CCDC158: variants seen among roughly 807,000 people sequenced by gnomAD.
The protein encoded by CCDC158 is coiled-coil domain-containing protein 158.
Under a neutral mutation model 138.6 loss-of-function variants are expected in CCDC158, and 116 were observed. The ratio of observed to expected loss-of-function variants is 0.84; its 90% CI spans 0.72 to 0.98. The LOEUF is 0.98. Ranked by LOEUF, CCDC158 falls within the 50% of genes least tolerant of loss-of-function variation. The pLI, the probability that CCDC158 is intolerant of heterozygous loss-of-function variation, is 0.00. For missense variants in CCDC158, 1,265 were observed against 1,306.1 expected (o/e 0.97, Z 0.48); for synonymous variants, 436 against 442.4 (o/e 0.99, Z 0.18).
At chr4:76,322,116 C>T (rs1720077220) in intron 24 of CCDC158, among the ~76,000 whole-genome samples, 1 of 151,864 alleles carries the variant, frequency 6.6e-6, no homozygotes, top group South Asian at 2.1e-4. Flanking sequence ...TAACTAAACA[C>T]CACATGTTCC....
chr4:76,314,784 G>A (rs1435478690), intron 24 of CCDC158, among the ~76,000 whole-genome samples: 1 of 152,192 alleles, frequency 6.6e-6, no homozygotes, highest in Non-Finnish European at 1.5e-5. Context: ...GGGCCCTCGG[G>A]AAAGGTGGCT....
In CCDC158 at chr4:76,413,470, G is replaced by A. The variant is rs535481091; in HGVS notation, c.-116-1338C>T. On this transcript the variant is annotated intron_variant, in intron 1 of 24. Transcript: ENST00000682701. ...AGCTTGGGCAACAGAGTGAGACCTTGTCTCAAAAAAAAAAAAAAAAAGGAA... is the reference window on the plus strand; with the variant it reads ...AGCTTGGGCAACAGAGTGAGACCTTATCTCAAAAAAAAAAAAAAAAAGGAA... 2.7e-3 allele frequency among the ~76,000 whole-genome samples: 347 copies of A among 127,024 alleles called. 2 individuals are homozygous for A. Among genetic ancestry groups the A allele is most frequent in the African/African-American group, 9.6e-3 (310 of 32,330 alleles). The allele number at this position is 127,024 out of a possible 152,430, so 83.3% of individuals were successfully genotyped here.
At chr4:76,380,053 T>C (rs1015472085) in intron 8 of CCDC158, among the ~76,000 whole-genome samples, 4 of 152,206 alleles carry the variant, frequency 2.6e-5, no homozygotes, top group Non-Finnish European at 5.9e-5. Flanking sequence ...GAACTGTGAG[T>C]CAACTAAACT....
At chr4:76,350,347 T>A (rs982929835) in intron 18 of CCDC158, among the ~76,000 whole-genome samples, 3 of 152,204 alleles carry the variant, frequency 2.0e-5, no homozygotes, top group Non-Finnish European at 4.4e-5. Flanking sequence ...TTACTGGTGA[T>A]CCTGTTGCCA....
At chr4:76,356,051 A>G (rs1723530940) in intron 14 of CCDC158, among the ~76,000 whole-genome samples, 1 of 151,982 alleles carries the variant, frequency 6.6e-6, no homozygotes, top group South Asian at 2.1e-4. Context: ...AGCATATCTG[A>G]TTTTTTCTCT....
chr4:76,418,934 A>T (rs969323752), intron 1 of CCDC158, among the ~76,000 whole-genome samples: 1 of 152,106 alleles, frequency 6.6e-6, no homozygotes, highest in Admixed American at 6.6e-5. Context: ...TTAATTCCAG[A>T]TGACTAGCGG....
chr4:76,350,780 A>C (rs1002202947), intron 18 of CCDC158, among the ~76,000 whole-genome samples: 5 of 152,346 alleles, frequency 3.3e-5, no homozygotes, highest in South Asian at 4.1e-4. Flanking sequence ...GATGGAAATA[A>C]CCAAAGAATT....
At chr4:76,406,160 A>G (rs1728808047) in intron 2 of CCDC158, among the ~76,000 whole-genome samples, 2 of 152,246 alleles carry the variant, frequency 1.3e-5, no homozygotes, top group African/African-American at 4.8e-5. Context: ...AAAAATTGCC[A>G]GGCAAATGAA....
At chr4:76,406,144 A>T (rs1181139997) in intron 2 of CCDC158, among the ~76,000 whole-genome samples, 8 of 152,202 alleles carry the variant, frequency 5.3e-5, no homozygotes, top group Admixed American at 5.2e-4. Context: ...AAATAAAAGG[A>T]TGAACAAAAA....
intron 4 of CCDC158, among the ~76,000 whole-genome samples, chr4:76,391,483 A>T (rs1328279033): frequency 6.6e-6 from 1 of 152,032 alleles, no homozygotes; most frequent in Non-Finnish European, 1.5e-5. Context: ...GAAACATATG[A>T]TAATGGAAAC....
intron 16 of CCDC158, 174 bp downstream of exon 16, chr4:76,352,949 A>G (rs1291655225): frequency 9.6e-6 from 5 of 522,918 alleles, no homozygotes; most frequent in Non-Finnish European, 1.6e-5. Context: ...ACATTTTAAA[A>G]TTCAGAAACG....
intron 24 of CCDC158, among the ~76,000 whole-genome samples, chr4:76,314,971 G>A (rs1463418021): frequency 1.3e-5 from 2 of 152,174 alleles, no homozygotes; most frequent in South Asian, 2.1e-4. Context: ...CAGGTGAGAC[G>A]TGAAAGCCAT....
intron 16 of CCDC158, chr4:76,352,085 A>G (rs1311009467): frequency 3.9e-6 from 1 of 258,782 alleles, no homozygotes; most frequent in African/African-American, 2.2e-5. Flanking sequence ...AAACAGCTTT[A>G]CCAAAGTATA....
intron 12 of CCDC158, among the ~76,000 whole-genome samples, chr4:76,364,202 T>C (rs1043171828): frequency 6.6e-6 from 1 of 152,228 alleles, no homozygotes; most frequent in African/African-American, 2.4e-5. Flanking sequence ...AGTCACCATG[T>C]CTTTCCCTGT....
chr4:76,418,094 G>A (rs1241597623), intron 1 of CCDC158, among the ~76,000 whole-genome samples: 4 of 152,170 alleles, frequency 2.6e-5, no homozygotes, highest in South Asian at 2.1e-4. Context: ...TATTCTAAAC[G>A]CAACGCAAAG....
chr4:76,398,039 G>A (rs1727988158), intron 3 of CCDC158, among the ~76,000 whole-genome samples: 1 of 151,936 alleles, frequency 6.6e-6, no homozygotes, highest in Non-Finnish European at 1.5e-5. Flanking sequence ...ATACAACTGA[G>A]AATCAAAAAC....
chr4:76,366,130 A>C (rs1384227226), intron 12 of CCDC158, among the ~76,000 whole-genome samples: 2 of 152,220 alleles, frequency 1.3e-5, no homozygotes, highest in East Asian at 1.9e-4. Flanking sequence ...AAGGTAGAAC[A>C]ACCATCCTTT....
chr4:76,398,032 C>T (rs1727987597), intron 3 of CCDC158, among the ~76,000 whole-genome samples: 1 of 152,036 alleles, frequency 6.6e-6, no homozygotes, highest in Admixed American at 6.5e-5. Flanking sequence ...AAATTTCATA[C>T]AACTGAGAAT....
chr4:76,372,562 T>C (rs867367360), intron 9 of CCDC158, among the ~76,000 whole-genome samples: 1 of 152,234 alleles, frequency 6.6e-6, no homozygotes, highest in South Asian at 2.1e-4. Flanking sequence ...ATAAAAGGCA[T>C]TGAATATAAA....
Sources: gnomAD v4.1 joint callset for allele counts (sites outside exome capture counted in the v4.1 genomes callset) on GRCh38, gnomAD v4.1.1 for gene constraint, MANE v1.5 for transcripts, NCBI Gene and HGNC (gene_info 2026-07-23, HGNC 2026-07-21) for gene names.